The following SPCS2 variants were observed in gnomAD, a reference collection of about 807,000 sequenced individuals.
SPCS2 encodes SPase 25 kDa subunit.
In SPCS2, 3 loss-of-function variants were observed where a neutral mutation model predicts 22.3. The observed-to-expected ratio is 0.13, with a 90% CI of 0.06 to 0.35. The LOEUF (loss-of-function observed/expected upper bound fraction) is 0.35. Ranked by LOEUF, SPCS2 falls within the 10% of genes least tolerant of loss-of-function variation. The probability of loss-of-function intolerance (pLI) is 1.00; values close to 1 mark genes in which losing one functional copy is unlikely to be tolerated. For synonymous variants in SPCS2, 67 were observed against 97.2 expected (o/e 0.69, Z 1.83); for missense variants, 169 against 280.9 (o/e 0.60, Z 2.85).
chr11:74,950,736 G>T (rs576639904), intron 1 of SPCS2, among the ~76,000 whole-genome samples: 3 of 152,082 alleles, frequency 2.0e-5, no homozygotes, highest in Non-Finnish European at 2.9e-5. Flanking sequence ...GTAGAGTCAG[G>T]GTCTTACTGT....
intron 1 of SPCS2, among the ~76,000 whole-genome samples, chr11:74,964,128 C>T (rs980031167): frequency 6.6e-6 from 1 of 152,202 alleles, no homozygotes; most frequent in Non-Finnish European, 1.5e-5. Flanking sequence ...AATGAGCACT[C>T]GAGTTACCTC....
At chr11:74,976,530 C>T (rs908374184) in intron 4 of SPCS2, among the ~76,000 whole-genome samples, 1 of 152,104 alleles carries the variant, frequency 6.6e-6, no homozygotes, top group Admixed American at 6.5e-5. Context: ...GAAGAGTCTG[C>T]GAGGAAAACC....
intron 3 of SPCS2, among the ~76,000 whole-genome samples, chr11:74,966,539 TATC>T (rs1289159895): frequency 3.9e-4 from 60 of 152,232 alleles, no homozygotes; most frequent in Admixed American, 3.8e-3. Flanking sequence ...CATTCAGAAT[TATC>T]ATAAAGATTA....
chr11:74,972,634 T>C (rs1386697512), intron 4 of SPCS2, among the ~76,000 whole-genome samples: 2 of 151,984 alleles, frequency 1.3e-5, no homozygotes, highest in Non-Finnish European at 2.9e-5. Flanking sequence ...CTTGACCTCC[T>C]AATTAGTCTT....
intron 4 of SPCS2, among the ~76,000 whole-genome samples, chr11:74,974,276 T>A (rs79957929): frequency 0.012 from 1,756 of 152,294 alleles, 46 homozygotes; most frequent in African/African-American, 0.04. Context: ...TGAAGATCTC[T>A]AAATTTGTAT....
At chr11:74,959,640 C>T (rs115596510) in intron 1 of SPCS2, among the ~76,000 whole-genome samples, 1,901 of 152,260 alleles carry the variant, frequency 0.012, 44 homozygotes, top group African/African-American at 0.043. Context: ...TGAACTCAAG[C>T]GATCCTTCCA....
At chr11:74,970,916 C>T (rs1013375802) in intron 4 of SPCS2, among the ~76,000 whole-genome samples, 2 of 152,028 alleles carry the variant, frequency 1.3e-5, no homozygotes, top group Non-Finnish European at 2.9e-5. Context: ...TCAAAAGTAC[C>T]TAGTAGTATT....
intron 4 of SPCS2, among the ~76,000 whole-genome samples, chr11:74,971,591 C>T (rs546933914): frequency 1.3e-5 from 2 of 152,170 alleles, no homozygotes; most frequent in South Asian, 2.1e-4. Flanking sequence ...CTCCCTCCCC[C>T]ACCTCACCGA....
rs1948628925 is a variant in SPCS2, at chr11:74,978,669, A to T, written c.*1626A>T. The T allele has an allele frequency of 3.3e-5, 5 of 152,232 alleles. No individual in the cohort carries two copies. The South Asian group carries it at 1.0e-3, about 32-fold the overall frequency. 9.4% of individuals were successfully genotyped at this position (152,232 alleles called of 1,614,324 possible). ...ACCTAATATAATGTAAATGCTATGT[A>T]AATAGTTATACTGCATTGGTTTTTT... On this transcript the variant is annotated 3_prime_UTR_variant, in exon 5 of 5. Coordinates refer to ENST00000263672, the MANE Select transcript of SPCS2 (RefSeq NM_014752.3).
intron 1 of SPCS2, among the ~76,000 whole-genome samples, chr11:74,950,440 G>T (rs1948388968): frequency 6.6e-6 from 1 of 152,190 alleles, no homozygotes; most frequent in African/African-American, 2.4e-5. Flanking sequence ...ACTTCCCTGT[G>T]CATAACACAT....
Position 74,955,851 on chromosome 11 carries a change from A to AATATATATATATATATATATATAT in SPCS2, c.114+6465_114+6488dup, listed in dbSNP as rs60855711. ...TACTATTACTTTAATTACTAATTAA[A>AATATATATATATATATATATATAT]ATATATATATATATATATATATATA... On this transcript the variant is annotated intron_variant, in intron 1 of 4. Transcript: ENST00000263672. 7.6e-3 allele frequency among the ~76,000 whole-genome samples: 423 copies of AATATATATATATATATATATATAT among 55,458 alleles called. 28 individuals carry two copies. The highest frequency in any genetic ancestry group is 8.7e-3 in the Non-Finnish European group (220 of 25,396). The allele number at this position is 55,458 out of a possible 152,430, so 36.4% of individuals were successfully genotyped here.
intron 1 of SPCS2, among the ~76,000 whole-genome samples, chr11:74,951,878 C>G (rs1298395747): frequency 6.7e-6 from 1 of 149,476 alleles, no homozygotes; most frequent in Non-Finnish European, 1.5e-5. Flanking sequence ...GGAACTGGCA[C>G]CTTATTTGGG....
chr11:74,968,725 A>G (rs1948562090), intron 3 of SPCS2, among the ~76,000 whole-genome samples: 1 of 151,954 alleles, frequency 6.6e-6, no homozygotes, highest in African/African-American at 2.4e-5. Flanking sequence ...GGGTTTCACC[A>G]TGTTGGCCAG....
chr11:74,975,044 A>G (rs1157182687), intron 4 of SPCS2, among the ~76,000 whole-genome samples: 1 of 152,114 alleles, frequency 6.6e-6, no homozygotes, highest in Non-Finnish European at 1.5e-5. Context: ...AAACTCTCTC[A>G]GAGAAATTGC....
rs1029863248 is a variant in SPCS2 at position 74,969,707 on chromosome 11, T to C, written c.494+8T>C. 2.5e-6 allele frequency: 4 copies of C among 1,613,664 alleles called. No individual in the cohort carries two copies. The highest frequency in any genetic ancestry group is 3.4e-6 in the Non-Finnish European group (4 of 1,179,658). On this transcript the variant is annotated splice_region_variant and intron_variant, in intron 4 of 4. Transcript: ENST00000263672. ...GTCCTCCAGTCTTAAAAGGTATGACTATCCTCACAGATTTTTAAATCCTGG... is the reference window on the plus strand; with the variant it reads ...GTCCTCCAGTCTTAAAAGGTATGACCATCCTCACAGATTTTTAAATCCTGG...
At chr11:74,976,791 C>T (rs1948616248) in intron 4 of SPCS2, 66 bp from the exon 5 acceptor site, 1 of 1,590,992 alleles carries the variant, frequency 6.3e-7, no homozygotes, top group Non-Finnish European at 8.6e-7. Flanking sequence ...ACACTTGGTG[C>T]CGTATTGTTA....
chr11:74,973,755 ACT>A (rs929702464), intron 4 of SPCS2, among the ~76,000 whole-genome samples: 7 of 150,038 alleles, frequency 4.7e-5, no homozygotes, highest in Admixed American at 4.6e-4. Flanking sequence ...CCCCATCTTT[ACT>A]CTCGGTTTTT....
intron 1 of SPCS2, among the ~76,000 whole-genome samples, chr11:74,964,156 A>G (rs1948531041): frequency 6.6e-6 from 1 of 152,206 alleles, no homozygotes; most frequent in Admixed American, 6.5e-5. Context: ...TCACTATTAC[A>G]GACAATGCTG....
In SPCS2 at chr11:74,951,771, T is replaced by C. The variant is rs1361428858; in HGVS notation, c.114+2372T>C. Among the ~76,000 whole-genome samples the C allele has an allele frequency of 8.8e-5, 12 of 136,608 alleles. No individual in the cohort carries two copies. In the Admixed American group the frequency reaches 9.4e-4, roughly 11 times the overall value. The allele number at this position is 136,608 out of a possible 152,430, so 89.6% of individuals were successfully genotyped here. On this transcript the variant is annotated intron_variant, in intron 1 of 4. Transcript: ENST00000263672. ...GTTGCAGTGAGCCGAGATCACGCCA[T>C]TGCAGTCCAGCCTGGGCAACAAGAG...
Sources: allele counts gnomAD v4.1 joint callset (sites outside exome capture counted in the v4.1 genomes callset), GRCh38; gene constraint gnomAD v4.1.1; transcripts MANE v1.5; gene names NCBI Gene and HGNC (gene_info 2026-07-23, HGNC 2026-07-21).